CCSER2: variants seen among roughly 807,000 people sequenced by gnomAD.
CCSER2 encodes coiled-coil serine rich protein 2.
A neutral mutation model predicts 92.3 loss-of-function variants in CCSER2; 46 were observed. That is an observed-to-expected ratio of 0.50 (90% CI 0.39 to 0.64). The LOEUF (loss-of-function observed/expected upper bound fraction) is 0.64. Ranked by LOEUF, CCSER2 falls within the 30% of genes least tolerant of loss-of-function variation. The probability of loss-of-function intolerance (pLI) is 0.00; values close to 1 mark genes in which losing one functional copy is unlikely to be tolerated. For synonymous variants in CCSER2, 433 were observed against 431.4 expected (o/e 1.00, Z -0.04); for missense variants, 1,244 against 1,238.9 (o/e 1.00, Z -0.06).
At chr10:84,392,021 A>T (rs528628036) in intron 3 of CCSER2, 1 of 1,276,436 alleles carries the variant, frequency 7.8e-7, no homozygotes, top group Non-Finnish European at 1.1e-6. Flanking sequence ...CCTTAAAAAG[A>T]GCGTCTTGCA....
At chr10:84,339,177 C>T (rs1292540414) in intron 1 of CCSER2, among the ~76,000 whole-genome samples, 2 of 146,240 alleles carry the variant, frequency 1.4e-5, no homozygotes, top group Non-Finnish European at 3.0e-5. Flanking sequence ...TTTAGGGGAT[C>T]TGGAGTGCTC....
chr10:84,403,993 T>G (rs765406951), intron 3 of CCSER2, among the ~76,000 whole-genome samples: 1 of 152,210 alleles, frequency 6.6e-6, no homozygotes, highest in Non-Finnish European at 1.5e-5. Flanking sequence ...GAATACACCT[T>G]GAATTCATTT....
intron 3 of CCSER2, among the ~76,000 whole-genome samples, chr10:84,384,884 T>A (rs1841104207): frequency 6.6e-6 from 1 of 152,100 alleles, no homozygotes; most frequent in East Asian, 1.9e-4. Flanking sequence ...CAAAAGACTT[T>A]TAGAATTGAT....
chr10:84,414,963 G>A (rs141771151), intron 3 of CCSER2, among the ~76,000 whole-genome samples: 43 of 152,182 alleles, frequency 2.8e-4, no homozygotes, highest in African/African-American at 9.9e-4. Context: ...TGATTACATT[G>A]GGAAGTTCTC....
In CCSER2 at chr10:84,428,993, A is replaced by G. The variant is rs1328090175; in HGVS notation, c.1868+3100A>G. ...TTTTTGTGTGTGTATGTGTATATAT[A>G]TATATATATATATATATATATACAC... On this transcript the variant is annotated intron_variant, in intron 5 of 9. Transcript: ENST00000372088. Among the ~76,000 whole-genome samples the G allele has an allele frequency of 7.1e-3, 646 of 91,352 alleles. 3 individuals are homozygous for G. Among genetic ancestry groups the G allele is most frequent in the Middle Eastern group, 0.036 (7 of 194 alleles). 59.9% of individuals were successfully genotyped at this position (91,352 alleles called of 152,430 possible).
At chr10:84,385,406 G>GTT in intron 3 of CCSER2, among the ~76,000 whole-genome samples, 2 of 152,132 alleles carry the variant, frequency 1.3e-5, no homozygotes, top group Admixed American at 1.3e-4. Context: ...TATAAAAGTA[G>GTT]ACACATTGAT....
At chr10:84,428,455 G>A (rs1198621233) in intron 5 of CCSER2, among the ~76,000 whole-genome samples, 1 of 152,190 alleles carries the variant, frequency 6.6e-6, no homozygotes, top group South Asian at 2.1e-4. Context: ...ACCTCCTGCT[G>A]TGTGGCCTGG....
chr10:84,486,147 T>C (rs1847796259), intron 9 of CCSER2, among the ~76,000 whole-genome samples: 1 of 152,218 alleles, frequency 6.6e-6, no homozygotes, highest in African/African-American at 2.4e-5. Context: ...CTATCATTGA[T>C]GGACATTTGG....
chr10:84,351,483 T>G (rs931801998), intron 1 of CCSER2, among the ~76,000 whole-genome samples: 1 of 152,108 alleles, frequency 6.6e-6, no homozygotes, highest in African/African-American at 2.4e-5. Flanking sequence ...CCACTCACCT[T>G]GGCCTCCCAA....
At chr10:84,403,251 A>G (rs923975366) in intron 3 of CCSER2, among the ~76,000 whole-genome samples, 3 of 152,214 alleles carry the variant, frequency 2.0e-5, no homozygotes, top group Non-Finnish European at 2.9e-5. Flanking sequence ...AAGTAAAACA[A>G]AATAAATCTC....
chr10:84,452,041 A>G (rs941201675), intron 6 of CCSER2, among the ~76,000 whole-genome samples: 9 of 152,202 alleles, frequency 5.9e-5, no homozygotes, highest in African/African-American at 2.2e-4. Flanking sequence ...TTAAAAAAGA[A>G]AAAAAACTTA....
At chr10:84,389,831 GTGTGTT>G (rs1281278718) in intron 3 of CCSER2, among the ~76,000 whole-genome samples, 1 of 152,212 alleles carries the variant, frequency 6.6e-6, no homozygotes, top group East Asian at 1.9e-4. Flanking sequence ...ACAGACTCCT[GTGTGTT>G]TTTCTTCTCT....
chr10:84,433,434 T>C (rs11596233), intron 5 of CCSER2, among the ~76,000 whole-genome samples: 8 of 150,632 alleles, frequency 5.3e-5, no homozygotes, highest in East Asian at 1.9e-4. Flanking sequence ...CCCACACACA[T>C]ACACACACAC....
chr10:84,471,143 T>C (rs904207675), intron 8 of CCSER2, among the ~76,000 whole-genome samples: 14 of 152,102 alleles, frequency 9.2e-5, no homozygotes, highest in African/African-American at 2.9e-4. Context: ...TGGTGAAATA[T>C]TAATCTCACT....
intron 5 of CCSER2, among the ~76,000 whole-genome samples, chr10:84,430,893 ATC>A (rs1487683257): frequency 6.6e-6 from 1 of 152,120 alleles, no homozygotes; most frequent in Non-Finnish European, 1.5e-5. Flanking sequence ...AGTTTTAGAA[ATC>A]TCTGTTATTC....
intron 3 of CCSER2, among the ~76,000 whole-genome samples, chr10:84,409,783 A>G (rs1842557395): frequency 6.6e-6 from 1 of 152,174 alleles, no homozygotes; most frequent in Non-Finnish European, 1.5e-5. Context: ...GTTTATGGGT[A>G]CATGTACAGG....
intron 5 of CCSER2, among the ~76,000 whole-genome samples, chr10:84,434,659 TTAATAA>T (rs1217408394): frequency 6.6e-6 from 1 of 152,168 alleles, no homozygotes; most frequent in Admixed American, 6.5e-5. Context: ...GGTTGGAAAC[TTAATAA>T]TATTATAGTA....
At chr10:84,440,901 A>G (rs1313029146) in intron 6 of CCSER2, among the ~76,000 whole-genome samples, 1 of 152,204 alleles carries the variant, frequency 6.6e-6, no homozygotes, top group Non-Finnish European at 1.5e-5. Context: ...TGAACAGTCT[A>G]CTACATTCTG....
At chr10:84,421,441 T>A (rs1373143769) in intron 4 of CCSER2, among the ~76,000 whole-genome samples, 49 of 152,050 alleles carry the variant, frequency 3.2e-4, no homozygotes, top group Non-Finnish European at 2.9e-5. Context: ...ATGTCCTTCT[T>A]CACATGGCAG....
Sources: gnomAD v4.1 joint callset for allele counts (sites outside exome capture counted in the v4.1 genomes callset) on GRCh38, gnomAD v4.1.1 for gene constraint, MANE v1.5 for transcripts, NCBI Gene and HGNC (gene_info 2026-07-23, HGNC 2026-07-21) for gene names.